ATP13A3: variants seen among roughly 807,000 people sequenced by gnomAD.
ATP13A3 encodes polyamine-transporting ATPase 13A3.
In ATP13A3, 59 loss-of-function variants were observed where a neutral mutation model predicts 158.1. The ratio of observed to expected loss-of-function variants is 0.37; its 90% CI spans 0.30 to 0.46. The LOEUF (loss-of-function observed/expected upper bound fraction) is 0.46. ATP13A3 is among the 20% of genes least tolerant of loss of function. ATP13A3 has a pLI of 1.00. For missense variants in ATP13A3, 1,166 were observed against 1,525.2 expected (o/e 0.76, Z 3.92); for synonymous variants, 491 against 504.3 (o/e 0.97, Z 0.35).
chr3:194,450,368 A>AT, intron 10 of ATP13A3, 92 bp from the exon 11 acceptor site: 4 of 1,261,498 alleles, frequency 3.2e-6, no homozygotes, highest in Non-Finnish European at 4.4e-6. Context: ...TCTGATCTCA[A>AT]TAAGAAGTTT....
upstream of ATP13A3, among the ~76,000 whole-genome samples, chr3:194,491,434 C>G (rs1181182870): frequency 6.6e-6 from 1 of 152,100 alleles, no homozygotes; most frequent in African/African-American, 2.4e-5. Context: ...ATTTCAAATC[C>G]TTCCCCATTG....
chr3:194,483,686 A>T (rs75944438), intron 2 of ATP13A3, among the ~76,000 whole-genome samples: 1 of 152,218 alleles, frequency 6.6e-6, no homozygotes. Context: ...AACCAAGGCT[A>T]AATCCCATCA....
chr3:194,450,520 C>T (rs974704531), intron 10 of ATP13A3: 10 of 436,032 alleles, frequency 2.3e-5, no homozygotes, highest in East Asian at 4.7e-5. Context: ...TACCCTCTGA[C>T]GAAGCAGGTT....
At chr3:194,472,980 A>G (rs78099257) in intron 2 of ATP13A3, among the ~76,000 whole-genome samples, 5 of 152,160 alleles carry the variant, frequency 3.3e-5, no homozygotes, top group Non-Finnish European at 5.9e-5. Context: ...GATGGGGAAC[A>G]ATGGACACTG....
At chr3:194,493,746 T>C (rs986902395) in intron 2 of ATP13A3, among the ~76,000 whole-genome samples, 3 of 152,182 alleles carry the variant, frequency 2.0e-5, no homozygotes, top group Admixed American at 6.5e-5. Flanking sequence ...GTCTACCTTA[T>C]TCATGTTTTT....
chr3:194,487,204 G>C (rs561122338), upstream of ATP13A3, among the ~76,000 whole-genome samples: 41 of 152,290 alleles, frequency 2.7e-4, 1 homozygote, highest in South Asian at 8.5e-3. Context: ...CAAAAACGCT[G>C]GGTGTCAGCC....
intron 27 of ATP13A3, 142 bp from the exon 28 acceptor site, chr3:194,429,059 T>G: frequency 2.0e-6 from 1 of 505,116 alleles, no homozygotes; most frequent in Non-Finnish European, 3.5e-6. Flanking sequence ...GAAATATAAG[T>G]GTCTCTGAAA....
At chr3:194,485,419 C>A (rs531506751) in intron 2 of ATP13A3, among the ~76,000 whole-genome samples, 2 of 152,310 alleles carry the variant, frequency 1.3e-5, no homozygotes, top group African/African-American at 4.8e-5. Flanking sequence ...AAAATTAATA[C>A]ATGTACCTTG....
intron 2 of ATP13A3, among the ~76,000 whole-genome samples, chr3:194,473,808 A>C (rs992368413): frequency 6.6e-6 from 1 of 152,230 alleles, no homozygotes; most frequent in Non-Finnish European, 1.5e-5. Context: ...AGAATAGATG[A>C]ATAATTTATG....
intron 33 of ATP13A3, among the ~76,000 whole-genome samples, chr3:194,410,944 GTGTGT>G (rs1376146085): frequency 1.8e-5 from 2 of 113,858 alleles, no homozygotes; most frequent in African/African-American, 9.2e-5. Flanking sequence ...TGGGGTGTGT[GTGTGT>G]GTGTGTGTGT....
intron 2 of ATP13A3, among the ~76,000 whole-genome samples, chr3:194,478,284 T>C (rs997326915): frequency 6.6e-6 from 1 of 151,722 alleles, no homozygotes; most frequent in African/African-American, 2.4e-5. Context: ...CCACATCTAG[T>C]AGGCTAGACA....
chr3:194,455,628 A>G (rs1286212392), intron 8 of ATP13A3, among the ~76,000 whole-genome samples: 2 of 152,206 alleles, frequency 1.3e-5, no homozygotes, highest in Non-Finnish European at 2.9e-5. Context: ...CTTGAGCTTT[A>G]GCCAAAAACC....
chr3:194,411,362 C>T (rs374584192), intron 33 of ATP13A3, among the ~76,000 whole-genome samples: 31 of 152,232 alleles, frequency 2.0e-4, no homozygotes, highest in East Asian at 9.7e-4. Flanking sequence ...AAGCACATCA[C>T]CCATCTCTAA....
At chr3:194,454,541 AG>A (rs1325547302) in intron 8 of ATP13A3, 149 bp from the exon 9 acceptor site, 1 of 951,328 alleles carries the variant, frequency 1.1e-6, no homozygotes, top group Non-Finnish European at 1.5e-6. Flanking sequence ...CCTAAAAAGT[AG>A]GGCAGGCTGG....
intron 2 of ATP13A3, among the ~76,000 whole-genome samples, chr3:194,485,145 A>G (rs992208021): frequency 1.3e-5 from 2 of 152,200 alleles, no homozygotes; most frequent in Non-Finnish European, 2.9e-5. Flanking sequence ...TTGTTCTAAC[A>G]AGGCTCAAAA....
intron 2 of ATP13A3, among the ~76,000 whole-genome samples, chr3:194,492,163 G>A (rs1400586827): frequency 2.0e-5 from 3 of 151,658 alleles, no homozygotes; most frequent in Admixed American, 6.6e-5. Flanking sequence ...TCTTCTCACC[G>A]CAGACCCCTT....
intron 15 of ATP13A3, 122 bp downstream of exon 15, chr3:194,444,603 T>C: frequency 2.7e-6 from 2 of 748,730 alleles, no homozygotes; most frequent in Admixed American, 6.3e-5. Context: ...TATGGCAACA[T>C]GTCCACGGTT....
At chr3:194,437,244 G>T (rs1390446799) in intron 19 of ATP13A3, 29 bp from the exon 20 acceptor site, 4 of 1,613,682 alleles carry the variant, frequency 2.5e-6, no homozygotes, top group Non-Finnish European at 3.4e-6. Context: ...AAATTTCATT[G>T]TTAGAGTTGC....
chr3:194,437,716 C>T (rs367748071), intron 17 of ATP13A3, 143 bp from the exon 18 acceptor site: 3 of 796,088 alleles, frequency 3.8e-6, no homozygotes, highest in African/African-American at 3.5e-5. Context: ...ATTCAAGATT[C>T]CTTCTATACT....
Sources: allele counts gnomAD v4.1 joint callset (sites outside exome capture counted in the v4.1 genomes callset), GRCh38; gene constraint gnomAD v4.1.1; transcripts MANE v1.5; gene names NCBI Gene and HGNC (gene_info 2026-07-23, HGNC 2026-07-21).